CDRT4: variants seen among roughly 807,000 people sequenced by gnomAD.
CDRT4 encodes the protein CMT1A duplicated region transcript 4.
For synonymous variants in CDRT4, 64 were observed against 69.6 expected (o/e 0.92, Z 0.40); for missense variants, 167 against 193.1 (o/e 0.87, Z 0.80).
chr17:15,459,435 T>C (rs1049614778), intron 1 of CDRT4, among the ~76,000 whole-genome samples: 1 of 143,986 alleles, frequency 6.9e-6, no homozygotes, highest in Non-Finnish European at 1.5e-5. Context: ...ATTTCTTTTT[T>C]TTTCTTTTTT....
In CDRT4 at chr17:15,463,424, C is replaced by G. The variant is rs1166977832; in HGVS notation, c.-130+4036G>C. Among the ~76,000 whole-genome samples the G allele has an allele frequency of 2.6e-5, 4 of 152,144 alleles. No individual in the cohort carries two copies. In the South Asian group the frequency reaches 8.3e-4, roughly 32 times the overall value. On this transcript the variant is annotated intron_variant, in intron 1 of 3. Coordinates refer to ENST00000619038, the MANE Select transcript of CDRT4 (RefSeq NM_001204477.2). The stretch of plus-strand genomic sequence containing the variant: ...TAAAACCAGAACAAAATCATTCTTT[C>G]CCATGTTCCTAAAAACCTTAAATAC...
At chr17:15,451,480 ATT>A (rs1433775460) in intron 2 of CDRT4, among the ~76,000 whole-genome samples, 2 of 138,006 alleles carry the variant, frequency 1.4e-5, no homozygotes, top group Non-Finnish European at 3.0e-5. Context: ...TCCCCCCTCC[ATT>A]TAGAAGCCAA....
At chr17:15,455,592 C>T (rs1232619024) in intron 1 of CDRT4, among the ~76,000 whole-genome samples, 1 of 152,212 alleles carries the variant, frequency 6.6e-6, no homozygotes, top group Non-Finnish European at 1.5e-5. Flanking sequence ...AAGTTGGCTT[C>T]CATCTTGAGC....
intron 2 of CDRT4, among the ~76,000 whole-genome samples, chr17:15,446,905 T>C (rs543042639): frequency 1.3e-5 from 2 of 152,312 alleles, no homozygotes; most frequent in African/African-American, 4.8e-5. Flanking sequence ...GCAGTTCAAG[T>C]ACCTATGGCC....
chr17:15,460,222 T>C (rs1055159465), intron 1 of CDRT4, among the ~76,000 whole-genome samples: 10 of 152,314 alleles, frequency 6.6e-5, no homozygotes, highest in African/African-American at 2.4e-4. Flanking sequence ...ACTGGCCTTC[T>C]TCCAGTTTGT....
At chr17:15,444,128 CA>C in intron 2 of CDRT4, 1 of 1,289,690 alleles carries the variant, frequency 7.8e-7, no homozygotes, top group Non-Finnish European at 1.1e-6. Flanking sequence ...ACAAGGCAAT[CA>C]GGAAATTTTT....
rs142586075 is a variant in CDRT4, at chr17:15,442,087, C to A, written c.-47-1802G>T. On this transcript the variant is annotated intron_variant, in intron 2 of 3. Coordinates refer to ENST00000619038, the MANE Select transcript of CDRT4 (RefSeq NM_001204477.2). ...CTGTCCACCTCTAGTGAAAATAGAA[C>A]TCTTTACTTCTTCCATATTTTAGCA... Among the ~76,000 whole-genome samples the A allele has an allele frequency of 5.3e-3, 801 of 152,302 alleles. 6 individuals carry two copies. The highest frequency in any genetic ancestry group is 0.024 in the Middle Eastern group (7 of 294).
chr17:15,437,757 T>G lies in CDRT4; in HGVS notation c.*16A>C. Reference sequence around the variant, plus strand: ...GGGACCCCTGGCTAAAACATTTGCATGTTTCTCCTTGTTGGTCAGTAGCGA... The same window carrying G: ...GGGACCCCTGGCTAAAACATTTGCAGGTTTCTCCTTGTTGGTCAGTAGCGA... On this transcript the variant is annotated 3_prime_UTR_variant, in exon 4 of 4. Transcript: ENST00000619038. 6.2e-7 allele frequency: 1 copy of G among 1,608,346 alleles called. No homozygotes were observed. Among genetic ancestry groups the G allele is most frequent in the Non-Finnish European group, 8.5e-7 (1 of 1,175,364 alleles).
chr17:15,462,936 A>G (rs1215031469), intron 1 of CDRT4, among the ~76,000 whole-genome samples: 3 of 152,188 alleles, frequency 2.0e-5, no homozygotes, highest in African/African-American at 7.2e-5. Flanking sequence ...TGTAAGCTGT[A>G]TGCCTCGCTT....
chr17:15,463,331 C>T lies in CDRT4; in HGVS notation c.-130+4129G>A, dbSNP rs113053007. 2.5e-3 allele frequency among the ~76,000 whole-genome samples: 383 copies of T among 152,302 alleles called. 3 individuals are homozygous for T. Among genetic ancestry groups the T allele is most frequent in the African/African-American group, 8.8e-3 (364 of 41,566 alleles). On this transcript the variant is annotated intron_variant, in intron 1 of 3. Coordinates refer to ENST00000619038, the MANE Select transcript of CDRT4 (RefSeq NM_001204477.2). Reference sequence around the variant, plus strand: ...ACCTATCAAAGAAAGACTCCACCATCAAACACTGACTTTTAGGCTGTAATT... The same window carrying T: ...ACCTATCAAAGAAAGACTCCACCATTAAACACTGACTTTTAGGCTGTAATT...
chr17:15,455,800 G>A (rs139137541), intron 1 of CDRT4, among the ~76,000 whole-genome samples: 2 of 152,254 alleles, frequency 1.3e-5, no homozygotes, highest in African/African-American at 4.8e-5. Context: ...TTTGGAAGTG[G>A]ATTCTCCTCC....
intron 1 of CDRT4, 115 bp from the exon 2 acceptor site, chr17:15,453,200 C>T (rs768523397): frequency 3.9e-5 from 6 of 152,058 alleles, no homozygotes; most frequent in Non-Finnish European, 8.8e-5. Flanking sequence ...AAAATTGTTG[C>T]CTATAATTAA....
rs980433833 is a variant in CDRT4, at chr17:15,440,128, T to G, written c.31+80A>C. The G allele has an allele frequency of 9.4e-6, 13 of 1,387,072 alleles. No individual in the cohort carries two copies. In the African/African-American group the frequency reaches 1.5e-4, roughly 16 times the overall value. 85.9% of individuals were successfully genotyped at this position (1,387,072 alleles called of 1,614,324 possible). ...AAAAAAAAAAAGAGTGGCCGCCCAGTGGCCTCTTCCCACTGCGAATCCTCC... is the reference window on the plus strand; with the variant it reads ...AAAAAAAAAAAGAGTGGCCGCCCAGGGGCCTCTTCCCACTGCGAATCCTCC... On this transcript the variant is annotated intron_variant, in intron 3 of 3. Transcript: ENST00000619038.
chr17:15,449,190 G>A (rs1397361153), intron 2 of CDRT4, among the ~76,000 whole-genome samples: 3 of 152,228 alleles, frequency 2.0e-5, no homozygotes, highest in South Asian at 2.1e-4. Context: ...TTGGTCCCAC[G>A]TGGAGTAACA....
At chr17:15,460,612 A>C (rs1237341006) in intron 1 of CDRT4, among the ~76,000 whole-genome samples, 1 of 152,114 alleles carries the variant, frequency 6.6e-6, no homozygotes, top group African/African-American at 2.4e-5. Context: ...ATGTTGCCCC[A>C]GTGCTGCCCC....
At position 15,437,064 on chromosome 17, in the gene CDRT4, G is replaced by A. The variant is rs1024187180; in HGVS notation, c.*709C>T. ...AGTGCTTTTTCTTCACCCAGGCAGTGGCAACTCCTCCCAGAAACATTTCAA... is the reference window on the plus strand; with the variant it reads ...AGTGCTTTTTCTTCACCCAGGCAGTAGCAACTCCTCCCAGAAACATTTCAA... On this transcript the variant is annotated 3_prime_UTR_variant, in exon 4 of 4. Transcript: ENST00000619038. 6.6e-6 allele frequency: 1 copy of A among 152,282 alleles called. No homozygotes were observed. The highest frequency in any genetic ancestry group is 2.4e-5 in the African/African-American group (1 of 41,436). The allele number at this position is 152,282 out of a possible 1,614,324, so 9.4% of individuals were successfully genotyped here. A position where few individuals can be genotyped will look rare whatever the true frequency, so the allele number is the denominator to read the frequency against.
In CDRT4 at chr17:15,450,635, A is replaced by T. The variant is rs925053456; in HGVS notation, c.-48+2369T>A. Among the ~76,000 whole-genome samples the T allele has an allele frequency of 6.6e-6, 1 of 150,500 alleles. No homozygotes were observed. The highest frequency in any genetic ancestry group is 6.6e-5 in the Admixed American group (1 of 15,086). On this transcript the variant is annotated intron_variant, in intron 2 of 3. Transcript: ENST00000619038. The surrounding 1 kb of genome is among the most constrained non-coding windows in gnomAD (Gnocchi z 4.2). ...ATGGCAATCAGTTTTGTGGCTCTAC[A>T]TCTCATCAATTTGCCACATCTAACT...
chr17:15,440,197 C>A lies in CDRT4; in HGVS notation c.31+11G>T, dbSNP rs756860276. 2.3e-5 allele frequency: 37 copies of A among 1,613,476 alleles called. No individual in the cohort carries two copies. The Admixed American group carries it at 4.0e-4, about 17-fold the overall frequency. On this transcript the variant is annotated intron_variant, in intron 3 of 3. Coordinates refer to ENST00000619038, the MANE Select transcript of CDRT4 (RefSeq NM_001204477.2). ...TGCAGGAGCTTCCACTGGTAACACT[C>A]CCAACCCTACCTTCTTCTTTCTTCA...
chr17:15,465,909 G>C (rs1597473835), intron 1 of CDRT4, among the ~76,000 whole-genome samples: 1 of 152,162 alleles, frequency 6.6e-6, no homozygotes, highest in Non-Finnish European at 1.5e-5. Flanking sequence ...GAGGATCCTA[G>C]AGTTGCTGCA....
Sources: allele counts gnomAD v4.1 joint callset (sites outside exome capture counted in the v4.1 genomes callset), GRCh38; gene constraint gnomAD v4.1.1; non-coding constraint Gnocchi (gnomAD v3.1); transcripts MANE v1.5; gene names NCBI Gene and HGNC (gene_info 2026-07-23, HGNC 2026-07-21).